The following MBD5 variants were observed in gnomAD, a reference collection of about 807,000 sequenced individuals.
MBD5 encodes the protein methyl-CpG binding domain protein 5.
In MBD5, 13 loss-of-function variants were observed where a neutral mutation model predicts 117.3. That is an observed-to-expected ratio of 0.11 (90% CI 0.07 to 0.18). MBD5 has a LOEUF of 0.18. MBD5 is among the 10% of genes least tolerant of loss of function. The pLI is 1.00. For synonymous variants in MBD5, 727 were observed against 766.4 expected (o/e 0.95, Z 0.85); for missense variants, 1,879 against 2,093.8 (o/e 0.90, Z 2.00).
In MBD5 at chr2:148,513,224, A is replaced by G. The variant is rs148895172; in HGVS notation, c.*283A>G. The G allele has an allele frequency of 3.1e-3, 1,222 of 398,628 alleles. No individual in the cohort carries two copies. Among genetic ancestry groups the G allele is most frequent in the Non-Finnish European group, 4.6e-3 (991 of 217,310 alleles). 24.7% of individuals were successfully genotyped at this position (398,628 alleles called of 1,614,324 possible). A position where few individuals can be genotyped will look rare whatever the true frequency, so the allele number is the denominator to read the frequency against. On this transcript the variant is annotated 3_prime_UTR_variant, in exon 14 of 14. Coordinates refer to ENST00000642680, the MANE Select transcript of MBD5 (RefSeq NM_001378120.1). ...TATAATACTAAATTGTGATTATAAG[A>G]AATAGTCCAAATGTTTCTGAAGAAT...
intron 8 of MBD5, 47 bp from the exon 9 acceptor site, chr2:148,483,057 ATAACAT>A (rs1681209335): frequency 6.3e-7 from 1 of 1,583,426 alleles, no homozygotes; most frequent in Non-Finnish European, 8.6e-7. Context: ...CTAGTCTCAC[ATAACAT>A]TCATGATTAA....
intron 3 of MBD5, among the ~76,000 whole-genome samples, chr2:148,238,346 T>C (rs1700135652): frequency 6.6e-6 from 1 of 152,190 alleles, no homozygotes; most frequent in East Asian, 1.9e-4. Flanking sequence ...TTTAAAAATG[T>C]AGGGTATGCA....
intron 2 of MBD5, among the ~76,000 whole-genome samples, chr2:148,221,586 C>T (rs562516232): frequency 1.3e-5 from 2 of 152,184 alleles, no homozygotes; most frequent in East Asian, 3.9e-4. Flanking sequence ...TTACTCAAAT[C>T]TTTTGCCCAT....
At chr2:148,277,119 G>C (rs1701133990) in intron 3 of MBD5, among the ~76,000 whole-genome samples, 1 of 152,180 alleles carries the variant, frequency 6.6e-6, no homozygotes, top group East Asian at 1.9e-4. Context: ...AGTTGAGAAT[G>C]CAAAGTTTGC....
chr2:148,359,865 C>T (rs1414858038), intron 4 of MBD5, among the ~76,000 whole-genome samples: 2 of 152,012 alleles, frequency 1.3e-5, no homozygotes. Flanking sequence ...TTCTGTCTCC[C>T]TTTAAAAGAA....
intron 4 of MBD5, among the ~76,000 whole-genome samples, chr2:148,343,053 T>C (rs1702990616): frequency 6.6e-6 from 1 of 152,094 alleles, no homozygotes. Context: ...CTGTGTTAAT[T>C]ATCTTAGGAT....
At chr2:148,435,982 G>C (rs902596442) in intron 4 of MBD5, among the ~76,000 whole-genome samples, 2 of 152,218 alleles carry the variant, frequency 1.3e-5, no homozygotes, top group African/African-American at 2.4e-5. Flanking sequence ...TGTTCTTCAA[G>C]TAAACGAAGG....
chr2:148,396,714 A>C (rs1000976150), intron 4 of MBD5, among the ~76,000 whole-genome samples: 7 of 152,162 alleles, frequency 4.6e-5, no homozygotes. Context: ...CATTTGGAAA[A>C]GATCAGAAGG....
intron 3 of MBD5, among the ~76,000 whole-genome samples, chr2:148,336,016 G>A (rs1176144643): frequency 2.0e-5 from 3 of 152,184 alleles, no homozygotes; most frequent in African/African-American, 4.8e-5. Context: ...GATGGCATGT[G>A]TGGTTTCCAC....
intron 4 of MBD5, among the ~76,000 whole-genome samples, chr2:148,381,830 A>G (rs969423469): frequency 3.9e-5 from 6 of 152,184 alleles, no homozygotes; most frequent in Non-Finnish European, 8.8e-5. Flanking sequence ...AAGAATTTTC[A>G]ACCCAGAATT....
At chr2:148,127,525 A>G (rs1696930970) in intron 1 of MBD5, among the ~76,000 whole-genome samples, 1 of 152,148 alleles carries the variant, frequency 6.6e-6, no homozygotes, top group African/African-American at 2.4e-5. Flanking sequence ...TGAGGATAAC[A>G]GCTTCCAGCT....
At chr2:148,177,957 A>G (rs1698429052) in intron 1 of MBD5, among the ~76,000 whole-genome samples, 1 of 152,196 alleles carries the variant, frequency 6.6e-6, no homozygotes, top group Non-Finnish European at 1.5e-5. Flanking sequence ...GGAGCCCAAG[A>G]CCAGCCTGAG....
At chr2:148,083,925 T>A (rs1341443597) in intron 1 of MBD5, among the ~76,000 whole-genome samples, 5 of 152,112 alleles carry the variant, frequency 3.3e-5, no homozygotes. Flanking sequence ...TGCACCTGGC[T>A]GAATAGTTTT....
At chr2:148,399,160 T>G (rs1371375768) in intron 4 of MBD5, among the ~76,000 whole-genome samples, 1 of 152,228 alleles carries the variant, frequency 6.6e-6, no homozygotes, top group Admixed American at 6.5e-5. Flanking sequence ...CCATATGAAC[T>G]TTCAAGTAGT....
chr2:148,355,507 A>G lies in MBD5; in HGVS notation c.-557+13171A>G, dbSNP rs1023511999. Among the ~76,000 whole-genome samples the G allele has an allele frequency of 1.7e-4, 26 of 152,220 alleles. 1 individual carries two copies. In the South Asian group the frequency reaches 3.5e-3, roughly 21 times the overall value. ...TTCTGTTTTCTGCATATGGCTAGCC[A>G]GTTTTCCCAACAGCATTATTAAATA... On this transcript the variant is annotated intron_variant, in intron 4 of 13. Coordinates refer to ENST00000642680, the MANE Select transcript of MBD5 (RefSeq NM_001378120.1).
intron 12 of MBD5, among the ~76,000 whole-genome samples, chr2:148,504,960 C>A (rs565093267): frequency 6.6e-6 from 1 of 151,936 alleles, no homozygotes; most frequent in African/African-American, 2.4e-5. Context: ...TAGGTATGGC[C>A]GTGTACAAGG....
chr2:148,236,573 A>G (rs1214305671), intron 3 of MBD5, among the ~76,000 whole-genome samples: 1 of 152,182 alleles, frequency 6.6e-6, no homozygotes, highest in East Asian at 1.9e-4. Flanking sequence ...CAGCAAACGT[A>G]AAATAGTCAG....
At chr2:148,339,888 TC>T (rs1230866312) in intron 3 of MBD5, among the ~76,000 whole-genome samples, 1 of 152,168 alleles carries the variant, frequency 6.6e-6, no homozygotes, top group Non-Finnish European at 1.5e-5. Flanking sequence ...CCTCCCCACA[TC>T]AGCAGATTGT....
intron 3 of MBD5, among the ~76,000 whole-genome samples, chr2:148,245,201 A>G (rs918769847): frequency 2.0e-5 from 3 of 152,162 alleles, no homozygotes; most frequent in Admixed American, 2.0e-4. Flanking sequence ...CCTGGGAAAC[A>G]TAGTGAGACC....
Sources: allele counts gnomAD v4.1 joint callset (sites outside exome capture counted in the v4.1 genomes callset), GRCh38; gene constraint gnomAD v4.1.1; transcripts MANE v1.5; gene names NCBI Gene and HGNC (gene_info 2026-07-23, HGNC 2026-07-21).